Variants in LINGO1 observed in about 807,000 individuals in gnomAD.
LINGO1 encodes the protein leucine-rich repeat and immunoglobulin-like domain-containing nogo receptor-interacting protein 1.
A neutral mutation model predicts 37.3 loss-of-function variants in LINGO1; 11 were observed. The observed-to-expected ratio is 0.29, with a 90% CI of 0.19 to 0.49. The LOEUF is 0.49. Ranked by LOEUF, LINGO1 falls within the 20% of genes least tolerant of loss-of-function variation. The pLI is 0.99. For missense variants in LINGO1, 585 were observed against 878.2 expected, an observed-to-expected ratio of 0.67 and a Z score of 4.22; for synonymous variants, 387 against 403.0, an observed-to-expected ratio of 0.96 and a Z score of 0.48.
chr15:77,748,470 C>A (rs548868964), intron 1 of LINGO1, among the ~76,000 whole-genome samples: 1 of 152,096 alleles, frequency 6.6e-6, no homozygotes, highest in African/African-American at 2.4e-5. Context: ...GAGCCTGGCT[C>A]AGGGCCCGCC....
chr15:77,820,561 G>A (rs2077088743), upstream of LINGO1, among the ~76,000 whole-genome samples: 1 of 152,214 alleles, frequency 6.6e-6, no homozygotes, highest in African/African-American at 2.4e-5. Context: ...TCCAGGTGAA[G>A]ACACCTGTCA....
intron 1 of LINGO1, among the ~76,000 whole-genome samples, chr15:77,774,838 G>C (rs1032925344): frequency 1.3e-5 from 2 of 152,198 alleles, no homozygotes; most frequent in African/African-American, 4.8e-5. Flanking sequence ...AGAGAAGAGT[G>C]CCCAAAAGGA....
chr15:77,777,340 C>T (rs1567578517), intron 1 of LINGO1, among the ~76,000 whole-genome samples: 1 of 148,590 alleles, frequency 6.7e-6, no homozygotes, highest in Non-Finnish European at 1.5e-5. Context: ...TTGCCCCTCC[C>T]ATACACACAC....
Position 77,714,267 on chromosome 15 carries a change from T to C in LINGO1, c.-195+20725A>G, listed in dbSNP as rs573212608. Among the ~76,000 whole-genome samples the C allele has an allele frequency of 2.0e-5, 3 of 152,112 alleles. No individual in the cohort carries two copies. In the East Asian group the frequency reaches 5.8e-4, roughly 30 times the overall value. On this transcript the variant is annotated intron_variant, in intron 2 of 3. Coordinates refer to the LINGO1 transcript ENST00000561686. ...GGTCTGCCACCCCCATCACCATGGT[T>C]ACCATTTTGACCTAGGCCTCCATCA...
At chr15:77,688,566 C>T (rs976296413) in intron 2 of LINGO1, among the ~76,000 whole-genome samples, 1 of 152,176 alleles carries the variant, frequency 6.6e-6, no homozygotes, top group Admixed American at 6.5e-5. Flanking sequence ...GGGACAGGCT[C>T]AACCCTGGGC....
chr15:77,747,248 C>T (rs1348370353), intron 1 of LINGO1, among the ~76,000 whole-genome samples: 1 of 152,218 alleles, frequency 6.6e-6, no homozygotes, highest in Non-Finnish European at 1.5e-5. Context: ...CCTGGCAACA[C>T]AGCCAGGGTT....
chr15:77,614,565 C>A lies in LINGO1; in HGVS notation c.1342G>T (p.Ala448Ser). 1 of 1,610,408 alleles carries A rather than the reference C, an allele frequency of 6.2e-7. No individual in the cohort carries two copies. The change falls in exon 2 of 2, where the codon GCC (alanine) becomes TCC (serine). Residue 448 changes from alanine to serine, a missense_variant. By Grantham distance (99) the Ala-to-Ser change is moderately conservative (BLOSUM62 1). Transcript: ENST00000355300. ...ATGGCGGGCGGCGGGTCGCCATCGG[C>A]CCGGCACACAAACTGCACCGTGTGG... ...EGHTVQFVCRADGDPPPAILW... is the reference protein window; with the variant it reads ...EGHTVQFVCRSDGDPPPAILW...
At position 77,703,598 on chromosome 15, in the gene LINGO1, G is replaced by T. The variant is rs145732449; in HGVS notation, c.-194-12697C>A. On this transcript the variant is annotated intron_variant, in intron 2 of 3. Coordinates refer to the LINGO1 transcript ENST00000561686. ...GCAAAGGAAGAAATGCTTGTGGGGT[G>T]ATGTCAGGGATGCTGGGAAGGACCC... Among the ~76,000 whole-genome samples, 631 of 152,312 alleles carry T rather than the reference G, an allele frequency of 4.1e-3. 7 individuals carry two copies. The highest frequency in any genetic ancestry group is 0.015 in the African/African-American group (605 of 41,560).
chr15:77,630,037 G>C (rs1404736202), intron 1 of LINGO1, among the ~76,000 whole-genome samples: 1 of 152,094 alleles, frequency 6.6e-6, no homozygotes, highest in Admixed American at 6.5e-5. Flanking sequence ...AGAACAGAAA[G>C]CCTCCAGAGA....
upstream of LINGO1, among the ~76,000 whole-genome samples, chr15:77,637,122 A>G (rs2074412095): frequency 6.6e-6 from 1 of 152,190 alleles, no homozygotes; most frequent in Non-Finnish European, 1.5e-5. This position sits in a 1 kb window ranked among gnomAD's most constrained non-coding sequence, Gnocchi z 4.6. Flanking sequence ...TCCCTCATCC[A>G]GTGCTGCCCA....
At chr15:77,723,240 T>C (rs181760029) in intron 2 of LINGO1, among the ~76,000 whole-genome samples, 9 of 147,950 alleles carry the variant, frequency 6.1e-5, no homozygotes, top group African/African-American at 2.2e-4. Flanking sequence ...AGGGGTTTCA[T>C]CAGCCTTAGA....
intron 1 of LINGO1, among the ~76,000 whole-genome samples, chr15:77,780,463 T>C (rs569883624): frequency 2.6e-5 from 4 of 151,998 alleles, no homozygotes; most frequent in East Asian, 1.9e-4. Context: ...CAAGCTACAG[T>C]GTCATTATGG....
At chr15:77,656,466 G>C (rs1486731066) in intron 3 of LINGO1, among the ~76,000 whole-genome samples, 1 of 152,200 alleles carries the variant, frequency 6.6e-6, no homozygotes. Context: ...CCAGTGTGCG[G>C]GTTCTCATGG....
chr15:77,809,439 G>A (rs1052507566), intron 1 of LINGO1, among the ~76,000 whole-genome samples: 5 of 152,186 alleles, frequency 3.3e-5, no homozygotes, highest in Non-Finnish European at 7.3e-5. Context: ...AGTCGATAAT[G>A]CCCACCTTGC....
At chr15:77,798,368 C>T (rs928268610) in intron 1 of LINGO1, among the ~76,000 whole-genome samples, 7 of 152,236 alleles carry the variant, frequency 4.6e-5, no homozygotes, top group Non-Finnish European at 7.3e-5. Context: ...ACCTGGCTGG[C>T]GGCCCTGAGC....
intron 1 of LINGO1, among the ~76,000 whole-genome samples, chr15:77,623,181 G>GGGA (rs977109914): frequency 2.6e-4 from 40 of 152,230 alleles, no homozygotes; most frequent in Non-Finnish European, 5.9e-4. Context: ...TGTGGTGAGG[G>GGGA]GGAGGTGCTG....
intron 1 of LINGO1, among the ~76,000 whole-genome samples, chr15:77,810,169 T>G (rs1005885308): frequency 1.3e-5 from 2 of 151,706 alleles, no homozygotes; most frequent in East Asian, 3.9e-4. Context: ...TGAGGCCTCC[T>G]CCCTAACCTG....
intron 1 of LINGO1, among the ~76,000 whole-genome samples, chr15:77,760,642 G>A (rs1024479172): frequency 6.6e-6 from 1 of 152,164 alleles, no homozygotes; most frequent in African/African-American, 2.4e-5. Context: ...CCTGGCCCCT[G>A]GGGCATCTGA....
chr15:77,800,336 G>A (rs1422492960), intron 1 of LINGO1, among the ~76,000 whole-genome samples: 1 of 152,198 alleles, frequency 6.6e-6, no homozygotes, highest in African/African-American at 2.4e-5. Context: ...GAAACCAGCT[G>A]GGGATGGGAA....
Sources: gnomAD v4.1 joint callset for allele counts (sites outside exome capture counted in the v4.1 genomes callset) on GRCh38, gnomAD v4.1.1 for gene constraint, Gnocchi (gnomAD v3.1) non-coding constraint, MANE v1.5 for transcripts, NCBI Gene and HGNC (gene_info 2026-07-23, HGNC 2026-07-21) for gene names.